The following PPP2R2D variants were observed in gnomAD, a reference collection of about 807,000 sequenced individuals.
PPP2R2D encodes the protein serine/threonine-protein phosphatase 2A 55 kDa regulatory subunit B delta isoform.
A neutral mutation model predicts 31.1 loss-of-function variants in PPP2R2D; 9 were observed. The observed-to-expected ratio is 0.29, with a 90% confidence interval of 0.17 to 0.51. The LOEUF is 0.51. PPP2R2D is among the 20% of genes least tolerant of loss of function. The probability of loss-of-function intolerance (pLI) is 0.98; values close to 1 mark genes in which losing one functional copy is unlikely to be tolerated. For missense variants in PPP2R2D, 391 were observed against 465.6 expected (o/e 0.84, Z 1.48); for synonymous variants, 179 against 172.6 (o/e 1.04, Z -0.29).
chr10:131,937,380 A>G (rs1410552156), intron 3 of PPP2R2D, among the ~76,000 whole-genome samples: 5 of 152,224 alleles, frequency 3.3e-5, no homozygotes, highest in African/African-American at 1.2e-4. Context: ...GCCGCCAGGA[A>G]TCAGGTGAAA....
At chr10:131,909,382 A>T (rs890110654) in intron 2 of PPP2R2D, among the ~76,000 whole-genome samples, 17 of 152,004 alleles carry the variant, frequency 1.1e-4, no homozygotes, top group Non-Finnish European at 2.2e-4. Flanking sequence ...TGGAGAGTGG[A>T]TGGTGGTGGG....
chr10:131,968,582 A>G, the PPP2R2D span: 1 of 1,586,432 alleles, frequency 6.3e-7, no homozygotes, highest in East Asian at 2.2e-5. Flanking sequence ...TCACAGAAAA[A>G]TTATCAGTAG....
At chr10:131,961,969 C>T (rs1370741321), downstream of PPP2R2D, among the ~76,000 whole-genome samples, 1 of 152,196 alleles carries the variant, frequency 6.6e-6, no homozygotes, top group South Asian at 2.1e-4. Context: ...AGTCAGAACC[C>T]GCGGGGGTTT....
the PPP2R2D span, chr10:131,966,923 C>T: frequency 1.3e-5 from 2 of 150,004 alleles, no homozygotes; most frequent in East Asian, 3.9e-4. Flanking sequence ...TTCTCCCTCC[C>T]AGGCTGGAGT....
intron 2 of PPP2R2D, among the ~76,000 whole-genome samples, chr10:131,923,560 G>A (rs184809039): frequency 2.6e-3 from 396 of 152,204 alleles, no homozygotes; most frequent in Middle Eastern, 0.01. Context: ...TTGTAATCCC[G>A]CCGTCAATGT....
chr10:131,957,513 CCT>C lies in PPP2R2D; in HGVS notation c.*1551_*1552del, dbSNP rs1174195959. The C allele has an allele frequency of 5.4e-6, 1 of 186,338 alleles. No individual in the cohort carries two copies. Among genetic ancestry groups the C allele is most frequent in the African/African-American group, 2.5e-5 (1 of 40,646 alleles). 11.5% of individuals were successfully genotyped at this position (186,338 alleles called of 1,614,324 possible). A position where few individuals can be genotyped will look rare whatever the true frequency, so the allele number is the denominator to read the frequency against. ...AAGGTGTGTGCTGATCCCCCGTCCCCCTGTGGAGATGAAGGTGTGTGCTGATC... is the reference window on the plus strand; with the variant it reads ...AAGGTGTGTGCTGATCCCCCGTCCCCGTGGAGATGAAGGTGTGTGCTGATC... On this transcript the variant is annotated 3_prime_UTR_variant, in exon 9 of 9. Transcript: ENST00000455566.
chr10:131,937,550 G>A (rs1394538080), intron 3 of PPP2R2D, among the ~76,000 whole-genome samples: 4 of 152,136 alleles, frequency 2.6e-5, no homozygotes, highest in African/African-American at 9.7e-5. Context: ...AGAAGGCTGA[G>A]GGGTTGCTTG....
intron 5 of PPP2R2D, among the ~76,000 whole-genome samples, chr10:131,942,518 T>G (rs1426034577): frequency 9.2e-5 from 14 of 152,162 alleles, no homozygotes; most frequent in African/African-American, 3.1e-4. Context: ...CATGTTGCTG[T>G]TTTTAAATTT....
Position 131,926,236 on chromosome 10 carries a change from T to C in PPP2R2D, c.101-8222T>C, listed in dbSNP as rs1358513523. Among the ~76,000 whole-genome samples, 4 of 152,338 alleles carry C rather than the reference T, an allele frequency of 2.6e-5. No homozygotes were observed. The East Asian group carries it at 7.7e-4, about 29-fold the overall frequency. ...TAAATAGTTTTCCATTTTTTTAATA[T>C]ATGGTAGAGGCTTATAATTCACTTC... is the stretch of plus-strand genomic sequence containing the variant. On this transcript the variant is annotated intron_variant, in intron 2 of 8. Coordinates refer to ENST00000455566, the MANE Select transcript of PPP2R2D (RefSeq NM_018461.5).
intron 2 of PPP2R2D, among the ~76,000 whole-genome samples, chr10:131,916,852 C>T (rs1275583601): frequency 1.3e-5 from 2 of 149,598 alleles, no homozygotes; most frequent in African/African-American, 5.0e-5. Context: ...GTAGGGACCT[C>T]AGGCGGGTGG....
intron 3 of PPP2R2D, chr10:131,939,783 G>A (rs973072485): frequency 3.7e-6 from 1 of 269,400 alleles, no homozygotes; most frequent in Admixed American, 5.4e-5. Context: ...ACCTGCTCCA[G>A]AAAATACAGC....
At chr10:131,925,209 A>G (rs540712240) in intron 2 of PPP2R2D, among the ~76,000 whole-genome samples, 126 of 152,322 alleles carry the variant, frequency 8.3e-4, no homozygotes, top group African/African-American at 2.8e-3. Context: ...TAGCAAATCA[A>G]ACATCCTTGT....
chr10:131,963,977 G>A (rs1332865110), downstream of PPP2R2D, among the ~76,000 whole-genome samples: 3 of 152,138 alleles, frequency 2.0e-5, no homozygotes, highest in Non-Finnish European at 4.4e-5. Context: ...GTTGTATTTC[G>A]TTGTCTCCCT....
rs201069665 is a variant in PPP2R2D at position 131,934,552 on chromosome 10, A to T, written c.195A>T (p.Gln65His). Residue 65 changes from glutamine to histidine, a missense_variant, in exon 3 of 9, where the codon CAA (glutamine) becomes CAT (histidine). By Grantham distance (24) the Gln-to-His change is conservative (BLOSUM62 0). This residue lies in a region of PPP2R2D where 105 missense variants were observed against 98.5 expected (regional missense o/e 1.07). Transcript: ENST00000455566. ...GGRVVIFQRE[Q>H]ENKSRPHSRG... is the part of the protein sequence containing the mutation. ...GAGTTGTTATTTTTCAGCGTGAACAAGAGGTCAGTAATTTTCAGTCCACAA... is the reference window on the plus strand; with the variant it reads ...GAGTTGTTATTTTTCAGCGTGAACATGAGGTCAGTAATTTTCAGTCCACAA... 50 of 778,996 alleles carry T rather than the reference A, an allele frequency of 6.4e-5. No homozygotes were observed. The highest frequency in any genetic ancestry group is 1.1e-4 in the Non-Finnish European group (46 of 417,582). 48.3% of individuals were successfully genotyped at this position (778,996 alleles called of 1,614,324 possible).
At chr10:131,928,994 G>A (rs2036157873) in intron 2 of PPP2R2D, among the ~76,000 whole-genome samples, 1 of 152,170 alleles carries the variant, frequency 6.6e-6, no homozygotes, top group Non-Finnish European at 1.5e-5. Flanking sequence ...AATACAACAG[G>A]CGCCTCTGTC....
chr10:131,963,621 C>T (rs1158884929), downstream of PPP2R2D, among the ~76,000 whole-genome samples: 1 of 152,268 alleles, frequency 6.6e-6, no homozygotes, highest in Non-Finnish European at 1.5e-5. Flanking sequence ...ACACGTCGGA[C>T]GCGGCTTCTG....
chr10:131,955,775 A>G lies in PPP2R2D; in HGVS notation c.1174A>G (p.Ser392Gly). The G allele has an allele frequency of 1.3e-6, 2 of 1,590,796 alleles. No homozygotes were observed. The highest frequency in any genetic ancestry group is 1.3e-5 in the African/African-American group (1 of 74,284). ...GACCCTGGAGGCCTCGAGAGAGAGC[A>G]GCAAACCGCGCGCCAGCCTCAAACC... ...DVTLEASRESSKPRASLKPRK... is the reference protein window; with the variant it reads ...DVTLEASRESGKPRASLKPRK... The change falls in exon 9 of 9, where the codon AGC becomes GGC. Residue 392 changes from serine (S) to glycine (G), a missense_variant. This residue lies in a region of PPP2R2D where 163 missense variants were observed against 179.5 expected (regional missense o/e 0.91). Transcript: ENST00000455566.
In PPP2R2D at chr10:131,947,689, A is replaced by G. The variant is rs782121870; in HGVS notation, c.980A>G (p.Glu327Gly). ...CTCAACATGGAGAGCAGGCCGGTGG[A>G]GACCCACCAGGTCCACGAGTACCTG... is the stretch of plus-strand genomic sequence containing the variant. Reference protein sequence around the residue: ...WDLNMESRPVETHQVHEYLRS... With the variant: ...WDLNMESRPVGTHQVHEYLRS... The change falls in exon 8 of 9, where the codon GAG becomes GGG. Residue 327 changes from glutamate to glycine, a missense_variant. Coordinates refer to ENST00000455566, the MANE Select transcript of PPP2R2D (RefSeq NM_018461.5). The surrounding 1 kb of genome is among the most constrained non-coding windows in gnomAD (Gnocchi z 4.3). The G allele has an allele frequency of 6.2e-7, 1 of 1,614,070 alleles. No homozygotes were observed. The highest frequency in any genetic ancestry group is 1.3e-5 in the African/African-American group (1 of 74,920).
chr10:131,912,060 A>T (rs963470520), intron 2 of PPP2R2D: 1 of 152,072 alleles, frequency 6.6e-6, no homozygotes, highest in Non-Finnish European at 1.5e-5. Context: ...CTATGTGTTT[A>T]TTTATTTATA....
Sources: allele counts gnomAD v4.1 joint callset (sites outside exome capture counted in the v4.1 genomes callset), GRCh38; gene constraint gnomAD v4.1.1; regional missense constraint gnomAD v4.1.1; non-coding constraint Gnocchi (gnomAD v3.1); transcripts MANE v1.5; gene names NCBI Gene and HGNC (gene_info 2026-07-23, HGNC 2026-07-21).